RAD23B: variants seen among roughly 807,000 people sequenced by gnomAD.
RAD23B encodes the protein lysine-specific demethylase RAD23B.
In RAD23B, 5 loss-of-function variants were observed where a neutral mutation model predicts 49.1. The ratio of observed to expected loss-of-function variants is 0.10; its 90% CI spans 0.05 to 0.21. The LOEUF (loss-of-function observed/expected upper bound fraction) is 0.21. Ranked by LOEUF, RAD23B falls within the 10% of genes least tolerant of loss-of-function variation. The pLI, the probability that RAD23B is intolerant of heterozygous loss-of-function variation, is 1.00. For synonymous variants in RAD23B, 184 were observed against 165.4 expected, an observed-to-expected ratio of 1.11 and a Z score of -0.86; for missense variants, 356 against 486.7, an observed-to-expected ratio of 0.73 and a Z score of 2.53.
Position 107,283,591 on chromosome 9 carries a change from C to T in RAD23B, c.-39C>T, listed in dbSNP as rs759585234. The T allele has an allele frequency of 3.4e-6, 5 of 1,461,052 alleles. No homozygotes were observed. The highest frequency in any genetic ancestry group is 3.6e-6 in the Non-Finnish European group (4 of 1,101,814). 90.5% of individuals were successfully genotyped at this position (1,461,052 alleles called of 1,614,324 possible). ...CACAGACCCCGCCCAGCGGCCAGCA[C>T]CCGGCGCAGGCCCGGCAGCCGAGCT... On this transcript the variant is annotated 5_prime_UTR_variant, in exon 1 of 10. Coordinates refer to ENST00000358015, the MANE Select transcript of RAD23B (RefSeq NM_002874.5).
chr9:107,327,931 C>G (rs980440724), intron 9 of RAD23B, among the ~76,000 whole-genome samples: 9 of 152,126 alleles, frequency 5.9e-5, no homozygotes, highest in African/African-American at 2.2e-4. Context: ...CCCTTTTTAT[C>G]ATAAAATGCC....
At chr9:107,293,842 G>A (rs1428630417) in intron 1 of RAD23B, among the ~76,000 whole-genome samples, 2 of 152,178 alleles carry the variant, frequency 1.3e-5, no homozygotes, top group Non-Finnish European at 2.9e-5. Flanking sequence ...GGAGTACGCT[G>A]ACAAGATTAT....
At chr9:107,314,911 ATGTT>A (rs1587859320) in intron 5 of RAD23B, among the ~76,000 whole-genome samples, 1 of 152,006 alleles carries the variant, frequency 6.6e-6, no homozygotes, top group Non-Finnish European at 1.5e-5. Flanking sequence ...GCATTTTTTC[ATGTT>A]TGTTGGCCAC....
Position 107,303,732 on chromosome 9 carries a change from A to C in RAD23B, c.228+1618A>C, listed in dbSNP as rs975236372. On this transcript the variant is annotated intron_variant, in intron 3 of 9. Coordinates refer to ENST00000358015, the MANE Select transcript of RAD23B (RefSeq NM_002874.5). ...TGCCAGAATTTGCTGAACTTTTAAG[A>C]CTGAATACTATCCTATTTTCCTATC... Among the ~76,000 whole-genome samples, 5 of 152,180 alleles carry C rather than the reference A, an allele frequency of 3.3e-5. No homozygotes were observed. The East Asian group carries it at 9.6e-4, about 29-fold the overall frequency.
At chr9:107,300,250 G>T (rs767641809) in intron 2 of RAD23B, 28 bp downstream of exon 2, 4 of 1,580,494 alleles carry the variant, frequency 2.5e-6, no homozygotes, top group Non-Finnish European at 3.4e-6. Flanking sequence ...AAATTAACAT[G>T]CCATGTCTTG....
chr9:107,302,009 GA>G, intron 2 of RAD23B, 25 bp from the exon 3 acceptor site: 14 of 1,604,734 alleles, frequency 8.7e-6, no homozygotes, highest in Non-Finnish European at 1.2e-5. Flanking sequence ...TGCCTTAAAT[GA>G]TTTTTTTTTC....
intron 1 of RAD23B, chr9:107,284,173 G>C: frequency 2.0e-6 from 2 of 986,838 alleles, no homozygotes; most frequent in South Asian, 4.7e-5. Flanking sequence ...ATCAGGTTCC[G>C]TTTGCCGCCG....
At chr9:107,323,866 T>C (rs144341988) in intron 7 of RAD23B, 24 bp from the exon 8 acceptor site, 1 of 1,553,782 alleles carries the variant, frequency 6.4e-7, no homozygotes, top group African/African-American at 2.1e-5. Flanking sequence ...TGCTTTTGTT[T>C]AGAAATGTTT....
In RAD23B at chr9:107,318,679, T is replaced by C. The variant is rs1827043736; in HGVS notation, c.554-73T>C. On this transcript the variant is annotated intron_variant, in intron 5 of 9. Transcript: ENST00000358015. This position sits in a 1 kb window ranked among gnomAD's most constrained non-coding sequence, Gnocchi z 4.3. ...AGTAGTTCCTGAAATGTTGTATACA[T>C]GAATCAATAAATGTATAGAGAATGC... The C allele has an allele frequency of 6.8e-7, 1 of 1,462,206 alleles. No individual in the cohort carries two copies. The highest frequency in any genetic ancestry group is 1.8e-5 in the Admixed American group (1 of 54,454). 90.6% of individuals were successfully genotyped at this position (1,462,206 alleles called of 1,614,324 possible). A position where few individuals can be genotyped will look rare whatever the true frequency, so the allele number is the denominator to read the frequency against.
At chr9:107,324,605 A>G (rs1303084962) in intron 8 of RAD23B, among the ~76,000 whole-genome samples, 1 of 151,980 alleles carries the variant, frequency 6.6e-6, no homozygotes, top group Non-Finnish European at 1.5e-5. Context: ...CAGGAGGCTC[A>G]GAGCACTTAA....
At chr9:107,305,517 A>G (rs1036045190) in intron 3 of RAD23B, among the ~76,000 whole-genome samples, 1 of 152,100 alleles carries the variant, frequency 6.6e-6, no homozygotes, top group Non-Finnish European at 1.5e-5. Flanking sequence ...TTATCATGTA[A>G]GTGGACCCAG....
intron 9 of RAD23B, among the ~76,000 whole-genome samples, chr9:107,329,132 A>G (rs1015589611): frequency 3.3e-5 from 5 of 152,214 alleles, no homozygotes; most frequent in African/African-American, 1.2e-4. Context: ...TGGTTAAACT[A>G]TACTGCAGGT....
At chr9:107,313,755 C>T (rs1268119888) in intron 5 of RAD23B, among the ~76,000 whole-genome samples, 1 of 152,186 alleles carries the variant, frequency 6.6e-6, no homozygotes, top group African/African-American at 2.4e-5. Flanking sequence ...TTCAAACTGA[C>T]TCATTTTTTA....
intron 6 of RAD23B, among the ~76,000 whole-genome samples, chr9:107,321,269 T>TTTTG (rs1827105926): frequency 3.4e-3 from 5 of 1,470 alleles, no homozygotes; most frequent in Middle Eastern, 0.12. Context: ...GTATCTCATT[T>TTTTG]ATGAGATACT....
intron 3 of RAD23B, among the ~76,000 whole-genome samples, chr9:107,305,580 T>A (rs943647822): frequency 1.3e-5 from 2 of 152,138 alleles, no homozygotes; most frequent in African/African-American, 4.8e-5. Flanking sequence ...TTTTGCTCTG[T>A]GGGAAGCTTT....
intron 1 of RAD23B, among the ~76,000 whole-genome samples, chr9:107,287,235 T>A (rs200883347): frequency 2.0e-5 from 3 of 151,588 alleles, no homozygotes; most frequent in African/African-American, 7.3e-5. Context: ...CCTTTTGAGA[T>A]AAAAAAAATA....
At chr9:107,304,761 T>G (rs535138058) in intron 3 of RAD23B, among the ~76,000 whole-genome samples, 12 of 152,184 alleles carry the variant, frequency 7.9e-5, no homozygotes, top group Non-Finnish European at 1.5e-4. Context: ...AGACTAAAAA[T>G]CATGTATGAT....
chr9:107,328,788 T>C (rs975538709), intron 9 of RAD23B, among the ~76,000 whole-genome samples: 1 of 152,174 alleles, frequency 6.6e-6, no homozygotes, highest in Non-Finnish European at 1.5e-5. Context: ...CTCAAGGTGA[T>C]TGAGACAATT....
chr9:107,308,707 T>C (rs1269406787), intron 4 of RAD23B, among the ~76,000 whole-genome samples: 1 of 152,224 alleles, frequency 6.6e-6, no homozygotes, highest in African/African-American at 2.4e-5. Flanking sequence ...AACTGCTTAC[T>C]CTTATTTCTC....
Sources: gnomAD v4.1 joint callset for allele counts (sites outside exome capture counted in the v4.1 genomes callset) on GRCh38, gnomAD v4.1.1 for gene constraint, Gnocchi (gnomAD v3.1) non-coding constraint, MANE v1.5 for transcripts, NCBI Gene and HGNC (gene_info 2026-07-23, HGNC 2026-07-21) for gene names.